Variants in PPP3CB observed in about 807,000 individuals in gnomAD.
PPP3CB encodes serine/threonine-protein phosphatase 2B catalytic subunit beta isoform.
PPP3CB carries 8 observed loss-of-function variants against 66.4 expected under a neutral mutation model. That is an observed-to-expected ratio of 0.12 (90% CI 0.07 to 0.22). PPP3CB has a LOEUF of 0.22. Ranked by LOEUF, PPP3CB falls within the 10% of genes least tolerant of loss-of-function variation. The pLI, the probability that PPP3CB is intolerant of heterozygous loss-of-function variation, is 1.00. For synonymous variants in PPP3CB, 208 were observed against 221.2 expected (o/e 0.94, Z 0.53); for missense variants, 319 against 642.5 (o/e 0.50, Z 5.44).
At chr10:73,460,864 T>A (rs1490303598) in intron 9 of PPP3CB, among the ~76,000 whole-genome samples, 1 of 152,206 alleles carries the variant, frequency 6.6e-6, no homozygotes, top group Non-Finnish European at 1.5e-5. Context: ...TGGTTTCCAC[T>A]TAGATTTCAG....
intron 3 of PPP3CB, chr10:73,477,221 T>TA: frequency 1.9e-6 from 1 of 518,332 alleles, no homozygotes; most frequent in Non-Finnish European, 3.9e-6. Flanking sequence ...GCTTAGAACA[T>TA]ATTAAATGTG....
chr10:73,487,925 C>G (rs1032705750), intron 1 of PPP3CB, among the ~76,000 whole-genome samples: 3 of 151,814 alleles, frequency 2.0e-5, no homozygotes, highest in Non-Finnish European at 2.9e-5. Flanking sequence ...GGATTACAGG[C>G]GCCCACCATC....
intron 1 of PPP3CB, among the ~76,000 whole-genome samples, chr10:73,489,476 A>G (rs571562883): frequency 1.3e-5 from 2 of 151,604 alleles, no homozygotes; most frequent in Non-Finnish European, 2.9e-5. Context: ...GTGCCAGGCC[A>G]GGAACTGTGG....
At chr10:73,459,684 C>T (rs1349142798) in intron 9 of PPP3CB, among the ~76,000 whole-genome samples, 1 of 152,086 alleles carries the variant, frequency 6.6e-6, no homozygotes, top group Non-Finnish European at 1.5e-5. Context: ...ACCTTGAGAC[C>T]ATGGAAAGAA....
At position 73,467,637 on chromosome 10, in the gene PPP3CB, G is replaced by T; in HGVS notation, c.1024C>A (p.Gln342Lys). The T allele has an allele frequency of 6.3e-7, 1 of 1,575,976 alleles. No homozygotes were observed. Among genetic ancestry groups the T allele is most frequent in the South Asian group, 1.2e-5 (1 of 86,396 alleles). The change falls in exon 9 of 14, where the codon CAG becomes AAG. Residue 342 changes from glutamine to lysine, a missense_variant. Coordinates refer to ENST00000360663, the MANE Select transcript of PPP3CB (RefSeq NM_021132.4). ...TAAGGATGTGGAGAACAGTTAAACT[G>T]TCGAATATTCATCACATTATTTTCA... ...KYENNVMNIRQFNCSPHPYWL... is the reference protein window; with the variant it reads ...KYENNVMNIRKFNCSPHPYWL...
intron 12 of PPP3CB, among the ~76,000 whole-genome samples, chr10:73,443,286 C>CAGAAAGAAAGAAAGAAAGACAGAAAGAA (rs2056187839): frequency 1.7e-5 from 2 of 115,708 alleles, no homozygotes; most frequent in East Asian, 4.8e-4. Flanking sequence ...GAAAGAAAGA[C>CAGAAAGAAAGAAAGAAAGACAGAAAGAA]AGAAAGAAAG....
At position 73,471,162 on chromosome 10, in the gene PPP3CB, C is replaced by T; in HGVS notation, c.717G>A (p.Leu239=). The T allele has an allele frequency of 1.2e-6, 2 of 1,610,376 alleles. No individual in the cohort carries two copies. The highest frequency in any genetic ancestry group is 8.5e-7 in the Non-Finnish European group (1 of 1,176,936). ...EPPAFGPMCD[L]LWSDPSEDFG... ...AATCTTCAGAAGGATCGGACCATAA[C>T]AAGTCACACATTGGTCCAAATGCAG... is the stretch of plus-strand genomic sequence containing the variant. Residue 239 remains leucine, a synonymous_variant, in exon 6 of 14, where the codon TTG becomes TTA. Transcript: ENST00000360663.
intron 2 of PPP3CB, 113 bp downstream of exon 2, chr10:73,479,204 T>C (rs2056836097): frequency 7.2e-6 from 7 of 973,586 alleles, no homozygotes; most frequent in Middle Eastern, 2.3e-4. Context: ...TTCAAGATAA[T>C]GTCCAAGTAA....
chr10:73,495,940 G>C lies in PPP3CB; in HGVS notation c.-51C>G. The C allele has an allele frequency of 9.3e-7, 1 of 1,075,950 alleles. No individual in the cohort carries two copies. The highest frequency in any genetic ancestry group is 1.2e-6 in the Non-Finnish European group (1 of 848,826). 66.7% of individuals were successfully genotyped at this position (1,075,950 alleles called of 1,614,324 possible). On this transcript the variant is annotated 5_prime_UTR_variant, in exon 1 of 14. Coordinates refer to ENST00000360663, the MANE Select transcript of PPP3CB (RefSeq NM_021132.4). ...CTGGGCCGGGCGGGGTTGGGGGCGG[G>C]GGCGGCGGCTACCAGAGCCAAGCGG... is the stretch of plus-strand genomic sequence containing the variant.
chr10:73,474,805 G>A, intron 4 of PPP3CB, 114 bp downstream of exon 4: 1 of 1,399,746 alleles, frequency 7.1e-7, no homozygotes, highest in East Asian at 2.6e-5. Context: ...CTTTATGTGT[G>A]GACATGAAAT....
At chr10:73,484,837 A>G (rs1248092047) in intron 1 of PPP3CB, among the ~76,000 whole-genome samples, 3 of 152,068 alleles carry the variant, frequency 2.0e-5, no homozygotes, top group Non-Finnish European at 2.9e-5. Context: ...GGATCACCTG[A>G]GGTCAGGAGG....
At chr10:73,482,958 A>G (rs760741470) in intron 1 of PPP3CB, among the ~76,000 whole-genome samples, 2 of 152,000 alleles carry the variant, frequency 1.3e-5, no homozygotes, top group Non-Finnish European at 2.9e-5. Flanking sequence ...ACATAATTCC[A>G]CTAATTGCTG....
intron 5 of PPP3CB, 117 bp from the exon 6 acceptor site, chr10:73,471,326 CAG>C: frequency 7.4e-7 from 1 of 1,351,246 alleles, no homozygotes; most frequent in South Asian, 1.5e-5. Flanking sequence ...TGTGAATAAA[CAG>C]AAGTTATTTC....
At chr10:73,464,221 C>A (rs2056579780) in intron 9 of PPP3CB, among the ~76,000 whole-genome samples, 1 of 152,154 alleles carries the variant, frequency 6.6e-6, no homozygotes, top group Non-Finnish European at 1.5e-5. Flanking sequence ...AGCCACCACG[C>A]CTGGCCCCAA....
At chr10:73,444,859 C>G (rs770610563) in intron 11 of PPP3CB, 37 bp from the exon 12 acceptor site, 2 of 1,597,084 alleles carry the variant, frequency 1.3e-6, no homozygotes, top group Admixed American at 3.4e-5. Context: ...CAGATACTTC[C>G]AACAAGTACT....
intron 10 of PPP3CB, among the ~76,000 whole-genome samples, chr10:73,453,547 GCCA>G (rs940873777): frequency 3.2e-4 from 48 of 152,234 alleles, no homozygotes; most frequent in African/African-American, 1.1e-3. Flanking sequence ...ACAGGCGTGA[GCCA>G]CCACATCTAG....
rs899292172 is a variant in PPP3CB at position 73,437,359 on chromosome 10, G to C, written c.*883C>G. ...AACATCTAGGTAACCTATACATGTC[G>C]TACCTGTACATCATAGGTCTATATA... On this transcript the variant is annotated 3_prime_UTR_variant, in exon 14 of 14. Coordinates refer to ENST00000360663, the MANE Select transcript of PPP3CB (RefSeq NM_021132.4). 1.3e-5 allele frequency: 2 copies of C among 152,446 alleles called. No homozygotes were observed. The highest frequency in any genetic ancestry group is 4.8e-5 in the African/African-American group (2 of 41,368). The allele number at this position is 152,446 out of a possible 1,614,324, so 9.4% of individuals were successfully genotyped here. A position where few individuals can be genotyped will look rare whatever the true frequency, so the allele number is the denominator to read the frequency against.
chr10:73,444,717 A>T lies in PPP3CB; in HGVS notation c.1366+8T>A, dbSNP rs1172944153. ...TCTGAGGCACAGCAAGTTGCATAAC[A>T]TCATTACCACTTTGCAGGGTCTGCC... On this transcript the variant is annotated splice_region_variant and intron_variant, in intron 12 of 13. Coordinates refer to ENST00000360663, the MANE Select transcript of PPP3CB (RefSeq NM_021132.4). 1.2e-6 allele frequency: 2 copies of T among 1,614,174 alleles called. No homozygotes were observed. The highest frequency in any genetic ancestry group is 1.1e-5 in the South Asian group (1 of 91,080).
chr10:73,467,793 G>T, intron 8 of PPP3CB, 115 bp from the exon 9 acceptor site: 3 of 991,792 alleles, frequency 3.0e-6, no homozygotes, highest in Non-Finnish European at 2.9e-6. Flanking sequence ...GAGATCGGGG[G>T]TGAGTGGAAT....
Sources: gnomAD v4.1 joint callset for allele counts (sites outside exome capture counted in the v4.1 genomes callset) on GRCh38, gnomAD v4.1.1 for gene constraint, MANE v1.5 for transcripts, NCBI Gene and HGNC (gene_info 2026-07-23, HGNC 2026-07-21) for gene names.